Variants in ASIC2 observed in about 807,000 individuals in gnomAD.
ASIC2 encodes the protein acid-sensing ion channel 2.
A neutral mutation model predicts 57.3 loss-of-function variants in ASIC2; 25 were observed. The ratio of observed to expected loss-of-function variants is 0.44; its 90% confidence interval spans 0.32 to 0.61. ASIC2 has a LOEUF of 0.61. ASIC2 is among the 20% of genes least tolerant of loss of function. ASIC2 has a pLI of 0.06. For missense variants in ASIC2, 641 were observed against 738.1 expected (o/e 0.87, Z 1.52); for synonymous variants, 319 against 307.5 (o/e 1.04, Z -0.39).
intron 1 of ASIC2, among the ~76,000 whole-genome samples, chr17:33,315,995 T>C (rs1322055049): frequency 6.6e-6 from 1 of 152,168 alleles, no homozygotes; most frequent in African/African-American, 2.4e-5. Flanking sequence ...CCTTCTGTGG[T>C]ATTGCTGTGT....
intron 1 of ASIC2, among the ~76,000 whole-genome samples, chr17:33,625,330 T>C (rs906333869): frequency 6.6e-6 from 1 of 152,152 alleles, no homozygotes; most frequent in Non-Finnish European, 1.5e-5. Flanking sequence ...GAGGACTACA[T>C]TGAAAGCTGG....
At chr17:33,517,896 C>T (rs1245521408) in intron 1 of ASIC2, among the ~76,000 whole-genome samples, 2 of 152,134 alleles carry the variant, frequency 1.3e-5, no homozygotes, top group African/African-American at 2.4e-5. Context: ...TCATAGGTCG[C>T]CTAGACCAAG....
At chr17:33,977,983 C>T (rs963038596) in intron 1 of ASIC2, among the ~76,000 whole-genome samples, 4 of 152,182 alleles carry the variant, frequency 2.6e-5, no homozygotes, top group East Asian at 1.9e-4. Flanking sequence ...ATGGAGGTCC[C>T]GGGCCATGGT....
chr17:34,097,182 G>C (rs1910577964), intron 1 of ASIC2, among the ~76,000 whole-genome samples: 1 of 152,170 alleles, frequency 6.6e-6, no homozygotes, highest in South Asian at 2.1e-4. Flanking sequence ...GATATGCCAA[G>C]CAGTCTTTTA....
At chr17:34,020,790 G>A (rs564687237) in intron 1 of ASIC2, among the ~76,000 whole-genome samples, 2 of 152,230 alleles carry the variant, frequency 1.3e-5, no homozygotes, top group African/African-American at 2.4e-5. Flanking sequence ...CGCCCGCACC[G>A]TGATTTCAGC....
At chr17:33,857,316 A>C (rs1346371898) in intron 1 of ASIC2, among the ~76,000 whole-genome samples, 1 of 152,160 alleles carries the variant, frequency 6.6e-6, no homozygotes, top group Non-Finnish European at 1.5e-5. Flanking sequence ...AATGTCACAG[A>C]ATATAATTTA....
chr17:33,990,579 G>A (rs968636494), intron 1 of ASIC2, among the ~76,000 whole-genome samples: 2 of 152,122 alleles, frequency 1.3e-5, no homozygotes, highest in African/African-American at 4.8e-5. Flanking sequence ...TTCCCACAAG[G>A]AGCACAACTC....
intron 1 of ASIC2, among the ~76,000 whole-genome samples, chr17:33,809,086 T>G (rs59182289): frequency 0.075 from 11,381 of 152,180 alleles, 472 homozygotes; most frequent in East Asian, 0.19. Flanking sequence ...GCAGCCAAGG[T>G]CTTGAACTTC....
At chr17:33,895,013 C>T (rs896148417) in intron 1 of ASIC2, among the ~76,000 whole-genome samples, 1 of 152,170 alleles carries the variant, frequency 6.6e-6, no homozygotes, top group Non-Finnish European at 1.5e-5. Flanking sequence ...AAATTTCAGA[C>T]TTTGACGTTG....
At chr17:33,959,569 G>GT (rs1406289272) in intron 1 of ASIC2, among the ~76,000 whole-genome samples, 1 of 152,210 alleles carries the variant, frequency 6.6e-6, no homozygotes, top group African/African-American at 2.4e-5. Context: ...GACCACTGGT[G>GT]TAAGTCCAAG....
At position 33,720,805 on chromosome 17, in the gene ASIC2, T is replaced by G. The variant is rs150796578; in HGVS notation, c.555+435173A>C. The stretch of plus-strand genomic sequence containing the variant: ...AAGAGGAAAGGTAAGAGATGGGAGA[T>G]CACGGAGTAATGCACTTGCTTGGAT... On this transcript the variant is annotated intron_variant, in intron 1 of 9. Coordinates refer to the ASIC2 transcript ENST00000359872. Among the ~76,000 whole-genome samples, 4 of 152,244 alleles carry G rather than the reference T, an allele frequency of 2.6e-5. No homozygotes were observed. In the East Asian group the frequency reaches 7.7e-4, roughly 29 times the overall value.
chr17:33,835,359 G>A (rs1048455137), intron 1 of ASIC2, among the ~76,000 whole-genome samples: 9 of 152,172 alleles, frequency 5.9e-5, no homozygotes, highest in South Asian at 2.1e-4. Flanking sequence ...TACTTTGTAC[G>A]TATTTTCCCC....
chr17:33,316,154 G>C (rs1906636309), intron 1 of ASIC2, among the ~76,000 whole-genome samples: 1 of 152,152 alleles, frequency 6.6e-6, no homozygotes, highest in African/African-American at 2.4e-5. Flanking sequence ...AAACTAATGA[G>C]CTAATTTACT....
intron 1 of ASIC2, among the ~76,000 whole-genome samples, chr17:33,650,923 C>CCAATGT (rs2142039136): frequency 6.6e-6 from 1 of 152,204 alleles, no homozygotes; most frequent in South Asian, 2.1e-4. Flanking sequence ...TGTGTCAATG[C>CCAATGT]CAATGTCCAG....
intron 1 of ASIC2, among the ~76,000 whole-genome samples, chr17:33,642,221 C>CCCA (rs1906593697): frequency 8.0e-6 from 1 of 125,230 alleles, no homozygotes; most frequent in Non-Finnish European, 1.8e-5. Context: ...CCCCCCCCCC[C>CCCA]ACACACAATG....
At chr17:33,767,404 G>A (rs1260249939) in intron 1 of ASIC2, among the ~76,000 whole-genome samples, 1 of 152,216 alleles carries the variant, frequency 6.6e-6, no homozygotes, top group East Asian at 1.9e-4. Context: ...ATATAAATGT[G>A]TTTGCGTATA....
intron 1 of ASIC2, among the ~76,000 whole-genome samples, chr17:33,778,864 TGGCCCCTACTGGGTAGCAATAGG>T (rs934951575): frequency 6.6e-6 from 1 of 152,202 alleles, no homozygotes; most frequent in African/African-American, 2.4e-5. Context: ...CTCACCAAGC[TGGCCCCTACTGGGTAGCAATAGG>T]GGCAGGGCGC....
chr17:33,242,952 G>C (rs1027342504), intron 1 of ASIC2, among the ~76,000 whole-genome samples: 1 of 152,210 alleles, frequency 6.6e-6, no homozygotes, highest in Admixed American at 6.5e-5. Flanking sequence ...CACCAGCCCA[G>C]CTCACTGGAG....
At chr17:33,992,233 T>G (rs1303732452) in intron 1 of ASIC2, among the ~76,000 whole-genome samples, 1 of 152,184 alleles carries the variant, frequency 6.6e-6, no homozygotes, top group East Asian at 1.9e-4. Flanking sequence ...AAAATTCTGA[T>G]ATCTCTCCTT....
Sources: allele counts gnomAD v4.1 joint callset (sites outside exome capture counted in the v4.1 genomes callset), GRCh38; gene constraint gnomAD v4.1.1; transcripts MANE v1.5; gene names NCBI Gene and HGNC (gene_info 2026-07-23, HGNC 2026-07-21).